The following WNK1 variants were observed in gnomAD, a reference collection of about 807,000 sequenced individuals.
WNK1 encodes the protein serine/threonine-protein kinase WNK1.
WNK1 carries 38 observed loss-of-function variants against 222.8 expected under a neutral mutation model. The ratio of observed to expected loss-of-function variants is 0.17; its 90% CI spans 0.13 to 0.22. WNK1 has a LOEUF of 0.22. Ranked by LOEUF, WNK1 falls within the 10% of genes least tolerant of loss-of-function variation. The pLI, the probability that WNK1 is intolerant of heterozygous loss-of-function variation, is 1.00. For missense variants in WNK1, 2,348 were observed against 2,918.4 expected (o/e 0.80, Z 4.50); for synonymous variants, 1,090 against 1,092.9 (o/e 1.00, Z 0.05).
intron 4 of WNK1, among the ~76,000 whole-genome samples, chr12:837,026 TA>T (rs1949239404): frequency 6.6e-6 from 1 of 152,204 alleles, no homozygotes; most frequent in African/African-American, 2.4e-5. Flanking sequence ...TTCACAGTGT[TA>T]AAAGAAAAAC....
intron 1 of WNK1, among the ~76,000 whole-genome samples, chr12:763,428 A>G (rs1941289297): frequency 6.9e-6 from 1 of 145,844 alleles, no homozygotes; most frequent in Admixed American, 6.8e-5. Context: ...TACTAAAAAT[A>G]CAAAAAAAAA....
At position 873,250 on chromosome 12, in the gene WNK1, T is replaced by G. The variant is rs532931668; in HGVS notation, c.2223+1902T>G. On this transcript the variant is annotated intron_variant, in intron 9 of 27. Transcript: ENST00000315939. Reference sequence around the variant, plus strand: ...TGTATTTGGGGATATGTATGTATACTTACTATCAAATGAAGAAGATAATAA... The same window carrying G: ...TGTATTTGGGGATATGTATGTATACGTACTATCAAATGAAGAAGATAATAA... 3.9e-5 allele frequency among the ~76,000 whole-genome samples: 6 copies of G among 152,320 alleles called. No individual in the cohort carries two copies. In the East Asian group the frequency reaches 7.7e-4, roughly 20 times the overall value.
At chr12:758,427 CCGGACTG>C in intron 1 of WNK1, among the ~76,000 whole-genome samples, 1 of 118,600 alleles carries the variant, frequency 8.4e-6, no homozygotes. Context: ...GTCGCCCAGG[CCGGACTG>C]CGGACTGCAG....
intron 9 of WNK1, among the ~76,000 whole-genome samples, chr12:874,119 A>C (rs1321224624): frequency 6.6e-6 from 1 of 151,914 alleles, no homozygotes; most frequent in African/African-American, 2.4e-5. Flanking sequence ...TATTGCCACC[A>C]TACTCCAGCC....
chr12:772,404 GGTGT>G (rs372617624), intron 1 of WNK1, among the ~76,000 whole-genome samples: 113 of 117,568 alleles, frequency 9.6e-4, no homozygotes, highest in Middle Eastern at 3.8e-3. Context: ...TCATAATTGG[GGTGT>G]GTGTGTGTGT....
intron 8 of WNK1, among the ~76,000 whole-genome samples, chr12:864,265 G>A (rs568671481): frequency 3.3e-5 from 5 of 151,744 alleles, no homozygotes; most frequent in Admixed American, 1.3e-4. Context: ...CCATCACCAC[G>A]CCCAGCTAAT....
chr12:771,459 G>A (rs78302309), intron 1 of WNK1, among the ~76,000 whole-genome samples: 4 of 152,088 alleles, frequency 2.6e-5, no homozygotes, highest in East Asian at 3.9e-4. Context: ...CTATTTATTA[G>A]CATTGAGTTT....
At position 879,925 on chromosome 12, in the gene WNK1, A is replaced by C. The variant is rs1952996945; in HGVS notation, c.2726A>C (p.Gln909Pro). ...LLQPVTQLPS[Q>P]VHPQLLQPAV... ...CAGCCTGTGACTCAGCTGCCAAGTC[A>C]GGTTCACCCACAGCTCCTACAACCA... The change falls in exon 11 of 28, where the codon CAG becomes CCG. Residue 909 changes from glutamine to proline, a missense_variant. Physicochemically the swap from Gln to Pro is moderately conservative, Grantham distance 76 (BLOSUM62 -1). Transcript: ENST00000315939. The C allele has an allele frequency of 4.3e-6, 7 of 1,614,082 alleles. No individual in the cohort carries two copies. The highest frequency in any genetic ancestry group is 1.7e-5 in the Admixed American group (1 of 60,014).
intron 1 of WNK1, among the ~76,000 whole-genome samples, chr12:760,802 G>T (rs1208260922): frequency 6.8e-6 from 1 of 146,232 alleles, no homozygotes; most frequent in Non-Finnish European, 1.5e-5. Context: ...GTCTTGCTCT[G>T]TCGCCCAGGC....
In WNK1 at chr12:881,611, GAA is replaced by G; in HGVS notation, c.3112-75_3112-74del. The G allele has an allele frequency of 1.3e-5, 16 of 1,197,528 alleles. 2 individuals carry two copies. In the South Asian group the frequency reaches 2.0e-4, roughly 15 times the overall value. The allele number at this position is 1,197,528 out of a possible 1,614,324, so 74.2% of individuals were successfully genotyped here. A position where few individuals can be genotyped will look rare whatever the true frequency, so the allele number is the denominator to read the frequency against. On this transcript the variant is annotated intron_variant, in intron 12 of 27. Transcript: ENST00000315939. ...CTAGGACGTAGTGGGGAGGGATAAG[GAA>G]AAAAATAAGTAGATTATTGGGGATA...
intron 1 of WNK1, among the ~76,000 whole-genome samples, chr12:788,348 T>G (rs528023081): frequency 6.5e-4 from 99 of 152,352 alleles, no homozygotes; most frequent in African/African-American, 2.2e-3. Flanking sequence ...TGTGTAATAC[T>G]ATATGGAAAT....
chr12:909,955 G>A lies in WNK1; in HGVS notation c.*1163G>A, dbSNP rs1293799776. On this transcript the variant is annotated 3_prime_UTR_variant, in exon 28 of 28. Coordinates refer to ENST00000315939, the MANE Select transcript of WNK1 (RefSeq NM_018979.4). ...TCTGTTTCGGGAATAGTGAGGAGGG[G>A]GTGTTGTAACAAAATTGGACAACTT... 3 of 152,184 alleles carry A rather than the reference G, an allele frequency of 2.0e-5. No individual in the cohort carries two copies. The highest frequency in any genetic ancestry group is 7.2e-5 in the African/African-American group (3 of 41,430). The allele number at this position is 152,184 out of a possible 1,614,324, so 9.4% of individuals were successfully genotyped here.
intron 4 of WNK1, among the ~76,000 whole-genome samples, chr12:834,214 C>T (rs1372185556): frequency 6.6e-6 from 1 of 152,204 alleles, no homozygotes; most frequent in East Asian, 1.9e-4. Context: ...AAGCTGTTGT[C>T]TTGGACAAAT....
chr12:868,746 A>C lies in WNK1; in HGVS notation c.2140-2519A>C, dbSNP rs1432929457. 4 of 1,614,020 alleles carry C rather than the reference A, an allele frequency of 2.5e-6. No individual in the cohort carries two copies. Among genetic ancestry groups the C allele is most frequent in the Middle Eastern group, 1.6e-4 (1 of 6,062 alleles). On this transcript the variant is annotated intron_variant, in intron 8 of 27. Transcript: ENST00000315939. ...TTGAATCAAGAAGAACTGCCTCCTC[A>C]ATCAGTTGGATTACATGGCTACTTG...
intron 4 of WNK1, among the ~76,000 whole-genome samples, chr12:843,445 A>G (rs1949780355): frequency 6.6e-6 from 1 of 152,208 alleles, no homozygotes; most frequent in South Asian, 2.1e-4. Flanking sequence ...ACAAATAACT[A>G]TTTTCCAAAA....
chr12:772,896 A>G (rs969492558), intron 1 of WNK1, among the ~76,000 whole-genome samples: 1 of 152,184 alleles, frequency 6.6e-6, no homozygotes, highest in Non-Finnish European at 1.5e-5. Flanking sequence ...TGTTTTTAGA[A>G]CAGTGGTACT....
chr12:808,673 G>A (rs974634723), intron 1 of WNK1, among the ~76,000 whole-genome samples: 3 of 151,844 alleles, frequency 2.0e-5, no homozygotes, highest in Non-Finnish European at 4.4e-5. Context: ...CATACTCTTG[G>A]CCCAGATTTG....
At chr12:801,150 T>C (rs557955377) in intron 1 of WNK1, among the ~76,000 whole-genome samples, 1 of 152,336 alleles carries the variant, frequency 6.6e-6, no homozygotes, top group Admixed American at 6.5e-5. Flanking sequence ...TCTTGAGTTA[T>C]GTTAATGGAA....
At chr12:899,741 C>G (rs949209897) in intron 25 of WNK1, among the ~76,000 whole-genome samples, 2 of 152,148 alleles carry the variant, frequency 1.3e-5, no homozygotes, top group African/African-American at 4.8e-5. Context: ...GTAGTGACCT[C>G]CATCATTTTT....
Sources: allele counts gnomAD v4.1 joint callset (sites outside exome capture counted in the v4.1 genomes callset), GRCh38; gene constraint gnomAD v4.1.1; transcripts MANE v1.5; gene names NCBI Gene and HGNC (gene_info 2026-07-23, HGNC 2026-07-21).